Variants in SPIDR observed in about 807,000 individuals in gnomAD.
SPIDR encodes the protein DNA repair-scaffolding protein.
SPIDR carries 93 observed loss-of-function variants against 104.6 expected under a neutral mutation model. That is an observed-to-expected ratio of 0.89 (90% CI 0.75 to 1.06). SPIDR has a LOEUF of 1.06. Among genes scored for constraint, SPIDR ranks in the 50% least tolerant of loss-of-function variants. SPIDR has a pLI of 0.00. For missense variants in SPIDR, 1,154 were observed against 1,111.2 expected, an observed-to-expected ratio of 1.04 and a Z score of -0.55; for synonymous variants, 431 against 416.9, an observed-to-expected ratio of 1.03 and a Z score of -0.41.
In SPIDR at chr8:47,471,107, G is replaced by T. The variant is rs141852491; in HGVS notation, c.1097+30565G>T. 1.1e-4 allele frequency among the ~76,000 whole-genome samples: 16 copies of T among 152,258 alleles called. No homozygotes were observed. The East Asian group carries it at 2.9e-3, about 28-fold the overall frequency. ...TAGGGGAATGTCTTGATGACACTGC[G>T]TTTGGCAGTGATTTCTTGGATATGA... On this transcript the variant is annotated intron_variant, in intron 8 of 19. Transcript: ENST00000297423.
At chr8:47,474,262 T>C (rs1038237868) in intron 8 of SPIDR, among the ~76,000 whole-genome samples, 3 of 152,220 alleles carry the variant, frequency 2.0e-5, no homozygotes, top group Non-Finnish European at 4.4e-5. Flanking sequence ...TCTCATAAAA[T>C]AGGTCTTTTA....
intron 5 of SPIDR, chr8:47,330,883 T>C: frequency 2.2e-6 from 1 of 449,434 alleles, no homozygotes; most frequent in South Asian, 1.6e-5. Flanking sequence ...AGAGCAACTA[T>C]TGGATTGTAT....
chr8:47,371,864 A>G (rs1373492486), intron 5 of SPIDR, among the ~76,000 whole-genome samples: 3 of 152,014 alleles, frequency 2.0e-5, no homozygotes, highest in Non-Finnish European at 4.4e-5. Flanking sequence ...TGATGTGTTA[A>G]TCTCCTTTCA....
chr8:47,396,573 C>G lies in SPIDR; in HGVS notation c.723C>G (p.Pro241=). 1 of 1,614,098 alleles carries G rather than the reference C, an allele frequency of 6.2e-7. No individual in the cohort carries two copies. Among genetic ancestry groups the G allele is most frequent in the Non-Finnish European group, 8.5e-7 (1 of 1,179,990 alleles). The change falls in exon 6 of 20, where the codon CCC becomes CCG. Residue 241 remains proline, a synonymous_variant. Coordinates refer to ENST00000297423, the MANE Select transcript of SPIDR (RefSeq NM_001080394.4). ...TETILHTPQK[P]TAKFPRTPEN... ...CCATTTTGCATACACCTCAGAAACC[C>G]ACAGCTAAGTTTCCCAGGACTCCAG... is the stretch of plus-strand genomic sequence containing the variant.
intron 8 of SPIDR, among the ~76,000 whole-genome samples, chr8:47,457,011 G>A (rs909438022): frequency 2.0e-5 from 3 of 152,146 alleles, no homozygotes; most frequent in Admixed American, 6.5e-5. Flanking sequence ...GTTGATTGGT[G>A]GGCATTTGGA....
At chr8:47,287,650 T>C (rs2039116625) in intron 3 of SPIDR, among the ~76,000 whole-genome samples, 1 of 152,166 alleles carries the variant, frequency 6.6e-6, no homozygotes, top group Non-Finnish European at 1.5e-5. Flanking sequence ...GTTTATAGGC[T>C]CTCTGCAAGA....
rs568462589 is a variant in SPIDR at position 47,553,706 on chromosome 8, G to A, written c.1098-42105G>A. Among the ~76,000 whole-genome samples, 109 of 152,184 alleles carry A rather than the reference G, an allele frequency of 7.2e-4. 1 individual carries two copies. Among genetic ancestry groups the A allele is most frequent in the African/African-American group, 2.5e-3 (102 of 41,526 alleles). On this transcript the variant is annotated intron_variant, in intron 8 of 19. Transcript: ENST00000297423. ...GGGTTCGAACATCCTCCTTTAGCTC[G>A]GAGAAGTTTGTTGTTACGATCATCT... is the stretch of plus-strand genomic sequence containing the variant.
intron 7 of SPIDR, among the ~76,000 whole-genome samples, chr8:47,433,089 T>G (rs2067647128): frequency 6.6e-6 from 1 of 152,190 alleles, no homozygotes; most frequent in Non-Finnish European, 1.5e-5. Context: ...GTTAATTCTG[T>G]TCTTATTCTT....
At chr8:47,706,002 A>C (rs1315278915) in intron 14 of SPIDR, among the ~76,000 whole-genome samples, 1 of 152,174 alleles carries the variant, frequency 6.6e-6, no homozygotes, top group Non-Finnish European at 1.5e-5. Flanking sequence ...TTTTGTAATA[A>C]TTATAGTTTC....
At chr8:47,273,642 G>A (rs1363594896) in intron 1 of SPIDR, among the ~76,000 whole-genome samples, 1 of 151,122 alleles carries the variant, frequency 6.6e-6, no homozygotes. Context: ...CACCCAGGCT[G>A]GAGTGCAGTA....
intron 5 of SPIDR, among the ~76,000 whole-genome samples, chr8:47,396,072 A>G (rs183227674): frequency 6.6e-6 from 1 of 152,172 alleles, no homozygotes; most frequent in South Asian, 2.1e-4. Flanking sequence ...TCAGTTTTGG[A>G]GATTGCCTCT....
At chr8:47,306,070 GTATT>G (rs2043038881) in intron 5 of SPIDR, among the ~76,000 whole-genome samples, 1 of 152,182 alleles carries the variant, frequency 6.6e-6, no homozygotes, top group South Asian at 2.1e-4. Flanking sequence ...GAATCATACA[GTATT>G]TGTTTTTCTG....
intron 10 of SPIDR, among the ~76,000 whole-genome samples, chr8:47,655,760 T>C (rs1455748701): frequency 6.6e-6 from 1 of 152,218 alleles, no homozygotes; most frequent in Non-Finnish European, 1.5e-5. Context: ...TTGGCTTTTG[T>C]TGCCATTGCT....
intron 8 of SPIDR, among the ~76,000 whole-genome samples, chr8:47,582,114 G>C (rs118107593): frequency 6.6e-6 from 1 of 151,862 alleles, no homozygotes; most frequent in East Asian, 1.9e-4. Flanking sequence ...CTACTCTGGA[G>C]TCTGAAGCAG....
intron 5 of SPIDR, among the ~76,000 whole-genome samples, chr8:47,345,967 C>A (rs995196900): frequency 7.2e-5 from 11 of 152,158 alleles, no homozygotes; most frequent in Admixed American, 3.3e-4. Context: ...CTTTCTCTTG[C>A]CTGATTGCCG....
intron 8 of SPIDR, among the ~76,000 whole-genome samples, chr8:47,561,492 G>A (rs985623897): frequency 3.3e-5 from 5 of 152,208 alleles, no homozygotes; most frequent in African/African-American, 2.4e-5. Flanking sequence ...TTCTCAGCCC[G>A]CTGCAGTTGA....
chr8:47,473,921 C>T (rs1194017797), intron 8 of SPIDR, among the ~76,000 whole-genome samples: 1 of 152,128 alleles, frequency 6.6e-6, no homozygotes, highest in African/African-American at 2.4e-5. Context: ...AGTTTTTATT[C>T]TCATCCACAC....
chr8:47,449,795 T>G (rs1014602903), intron 8 of SPIDR, among the ~76,000 whole-genome samples: 2 of 152,202 alleles, frequency 1.3e-5, no homozygotes, highest in Non-Finnish European at 2.9e-5. Context: ...TGAAGTTAGA[T>G]GACGCTTTTC....
intron 8 of SPIDR, among the ~76,000 whole-genome samples, chr8:47,463,406 C>T (rs983627656): frequency 2.6e-5 from 4 of 151,594 alleles, no homozygotes; most frequent in East Asian, 1.9e-4. Flanking sequence ...AAGAAAGACT[C>T]GCTATCAGAT....
Sources: gnomAD v4.1 joint callset for allele counts (sites outside exome capture counted in the v4.1 genomes callset) on GRCh38, gnomAD v4.1.1 for gene constraint, MANE v1.5 for transcripts, NCBI Gene and HGNC (gene_info 2026-07-23, HGNC 2026-07-21) for gene names.